FLOT1: variants seen among roughly 807,000 people sequenced by gnomAD.
FLOT1 encodes the protein flotillin-1.
In FLOT1, 40 loss-of-function variants were observed where a neutral mutation model predicts 58.4. The ratio of observed to expected loss-of-function variants is 0.69; its 90% confidence interval spans 0.53 to 0.89. FLOT1 has a LOEUF of 0.89. FLOT1 is among the 40% of genes least tolerant of loss of function. FLOT1 has a pLI of 0.00. For synonymous variants in FLOT1, 178 were observed against 204.2 expected (o/e 0.87, Z 1.09); for missense variants, 423 against 540.8 (o/e 0.78, Z 2.16).
In FLOT1 at chr6:30,740,272, G is replaced by T; in HGVS notation, c.609C>A (p.Tyr203Ter). The change falls in exon 8 of 13, where the codon TAC (tyrosine) becomes TAA (stop). Residue 203 changes from tyrosine (Y) to a stop codon, truncating the protein, a stop_gained. Transcript: ENST00000376389. LOFTEE classifies it high-confidence loss of function. Reference sequence around the variant, plus strand: ...CCTTGGCCATCTCGATCTCACTCAGGTACTGAGCAGACACCTTTTCCTGCT... The same window carrying T: ...CCTTGGCCATCTCGATCTCACTCAGTTACTGAGCAGACACCTTTTCCTGCT... ...KAKQEKVSAQ[Y>*]LSEIEMAKAQ... The T allele has an allele frequency of 6.2e-7, 1 of 1,612,992 alleles. No individual in the cohort carries two copies. The highest frequency in any genetic ancestry group is 8.5e-7 in the Non-Finnish European group (1 of 1,180,008).
chr6:30,732,665 T>C (rs1475240541), intron 8 of FLOT1, among the ~76,000 whole-genome samples: 2 of 152,150 alleles, frequency 1.3e-5, no homozygotes, highest in African/African-American at 2.4e-5. Context: ...ACACATGCCT[T>C]CGTTGTCCCA....
intron 12 of FLOT1, among the ~76,000 whole-genome samples, chr6:30,728,533 G>A (rs982323336): frequency 2.7e-5 from 4 of 150,334 alleles, no homozygotes; most frequent in Non-Finnish European, 5.9e-5. Flanking sequence ...GCAGTGGTGC[G>A]ATCTTGGCTT....
At position 30,730,458 on chromosome 6, in the gene FLOT1, C is replaced by T; in HGVS notation, c.1059G>A (p.Gln353=). 6.3e-7 allele frequency: 1 copy of T among 1,592,876 alleles called. No individual in the cohort carries two copies. The highest frequency in any genetic ancestry group is 1.3e-5 in the African/African-American group (1 of 74,388). The change falls in exon 11 of 13, where the codon CAG becomes CAA. Residue 353 remains glutamine (Q), a synonymous_variant. Transcript: ENST00000376389. ...EAFQLYQEAA[Q]LDMLLEKLPQ... is the part of the protein sequence containing the mutation. ...GCAGCTTCTCTAGCAGCATGTCCAG[C>T]TGAGCAGCCTCTTGGTACAGCTGGA... is the stretch of plus-strand genomic sequence containing the variant.
In FLOT1 at chr6:30,731,016, G is replaced by A; in HGVS notation, c.808C>T (p.Gln270Ter). 1 of 1,613,262 alleles carries A rather than the reference G, an allele frequency of 6.2e-7. No individual in the cohort carries two copies. Among genetic ancestry groups the A allele is most frequent in the Non-Finnish European group, 8.5e-7 (1 of 1,180,014 alleles). The part of the protein sequence containing the change: ...ERAQQVAVQE[Q>*]EIARREKELE... ...TCCTTCTCCCGCCGGGCGATCTCCT[G>A]CTCCTGCACTGCCACCTGCTGGGCC... Residue 270 changes from glutamine to a stop codon, truncating the protein, a stop_gained, in exon 9 of 13, where the codon CAG (glutamine) becomes TAG (stop). Coordinates refer to ENST00000376389, the MANE Select transcript of FLOT1 (RefSeq NM_005803.4). LOFTEE classifies it high-confidence loss of function.
intron 12 of FLOT1, 122 bp from the exon 13 acceptor site, chr6:30,728,267 C>T: frequency 1.2e-6 from 1 of 802,766 alleles, no homozygotes; most frequent in East Asian, 2.5e-5. Context: ...AGGGTTCTTT[C>T]TGGTGCCCTA....
Position 30,741,353 on chromosome 6 carries a change from A to AG in FLOT1, c.211-21dup. 6.2e-7 allele frequency: 1 copy of AG among 1,613,012 alleles called. No individual in the cohort carries two copies. Among genetic ancestry groups the AG allele is most frequent in the Non-Finnish European group, 8.5e-7 (1 of 1,179,980 alleles). On this transcript the variant is annotated intron_variant, in intron 4 of 12. Transcript: ENST00000376389. This position sits in a 1 kb window ranked among gnomAD's most constrained non-coding sequence, Gnocchi z 5.9. ...TTTTACCTGTAGCCAGAGTAGGGGT[A>AG]GGAAAGGTGTGGTGGGGGTCTCATG...
At position 30,730,517 on chromosome 6, in the gene FLOT1, C is replaced by CGGCTCG. The variant is rs770109618; in HGVS notation, c.994_999dup (p.Arg332_Ala333dup). The CGGCTCG allele has an allele frequency of 3.1e-6, 5 of 1,610,906 alleles. No individual in the cohort carries two copies. The highest frequency in any genetic ancestry group is 2.2e-5 in the East Asian group (1 of 44,806). On this transcript the variant is annotated inframe_insertion, in exon 11 of 13. Coordinates refer to ENST00000376389, the MANE Select transcript of FLOT1 (RefSeq NM_005803.4). ...GCCTTCTTGGCCATCTGCTCAGCCT[C>CGGCTCG]GGCTCGGGCTCGGGCCCCTATGGCA...
chr6:30,729,605 G>A (rs1263504678), intron 12 of FLOT1, among the ~76,000 whole-genome samples: 1 of 152,190 alleles, frequency 6.6e-6, no homozygotes, highest in East Asian at 1.9e-4. Context: ...GAGCCTGTTT[G>A]CTGACTTCTA....
Position 30,742,047 on chromosome 6 carries a change from G to A in FLOT1, c.43+100C>T. On this transcript the variant is annotated intron_variant, in intron 2 of 12. Coordinates refer to ENST00000376389, the MANE Select transcript of FLOT1 (RefSeq NM_005803.4). This position sits in a 1 kb window ranked among gnomAD's most constrained non-coding sequence, Gnocchi z 5.2. ...AGTTCGTGGCCATCAAGGGGCAGAA[G>A]TCTGGTGCTGGGAAGTTGGTAGGGA... 7.4e-7 allele frequency: 1 copy of A among 1,344,120 alleles called. No individual in the cohort carries two copies. Among genetic ancestry groups the A allele is most frequent in the Non-Finnish European group, 1.1e-6 (1 of 943,568 alleles). 83.3% of individuals were successfully genotyped at this position (1,344,120 alleles called of 1,614,324 possible).
chr6:30,739,033 C>T lies in FLOT1; in HGVS notation c.723+1125G>A, dbSNP rs143164765. Among the ~76,000 whole-genome samples the T allele has an allele frequency of 9.9e-4, 151 of 152,246 alleles. No homozygotes were observed. The East Asian group carries it at 0.028, about 28-fold the overall frequency. On this transcript the variant is annotated intron_variant, in intron 8 of 12. Coordinates refer to ENST00000376389, the MANE Select transcript of FLOT1 (RefSeq NM_005803.4). ...TAGTGAATAGGCAAATTCTCAGATACGAATAATGAAGAATGAAGATCAACT... is the reference window on the plus strand; with the variant it reads ...TAGTGAATAGGCAAATTCTCAGATATGAATAATGAAGAATGAAGATCAACT...
intron 8 of FLOT1, among the ~76,000 whole-genome samples, chr6:30,731,628 A>G (rs1349597787): frequency 6.6e-6 from 1 of 152,098 alleles, no homozygotes; most frequent in Admixed American, 6.6e-5. Flanking sequence ...TCTAGAGTAT[A>G]AATACCTTGA....
Position 30,741,771 on chromosome 6 carries a change from C to T in FLOT1, c.119+21G>A. The T allele has an allele frequency of 1.9e-6, 3 of 1,612,348 alleles. No homozygotes were observed. The highest frequency in any genetic ancestry group is 2.5e-6 in the Non-Finnish European group (3 of 1,179,390). ...AAAGAGAAAACGGAGGTCCCCCTTC[C>T]CTGGTTCCCTTCTTGCCTACCTCTG... is the stretch of plus-strand genomic sequence containing the variant. On this transcript the variant is annotated intron_variant, in intron 3 of 12. Coordinates refer to ENST00000376389, the MANE Select transcript of FLOT1 (RefSeq NM_005803.4). This position sits in a 1 kb window ranked among gnomAD's most constrained non-coding sequence, Gnocchi z 5.9.
rs1385181229 is a variant in FLOT1, at chr6:30,733,754, AAG to A, written c.724-2656_724-2655del. ...AAAATCCATCTCAAAAAAAAAAAAA[AAG>A]AAAAGAAAGCTGGGCTTGATGCAGT... On this transcript the variant is annotated intron_variant, in intron 8 of 12. Coordinates refer to ENST00000376389, the MANE Select transcript of FLOT1 (RefSeq NM_005803.4). Among the ~76,000 whole-genome samples, 9 of 128,262 alleles carry A rather than the reference AAG, an allele frequency of 7.0e-5. 3 individuals are homozygous for A. Among genetic ancestry groups the A allele is most frequent in the South Asian group, 5.5e-4 (2 of 3,668 alleles). The allele number at this position is 128,262 out of a possible 152,430, so 84.1% of individuals were successfully genotyped here.
intron 8 of FLOT1, among the ~76,000 whole-genome samples, chr6:30,736,844 C>T (rs142087796): frequency 0.074 from 11,207 of 151,912 alleles, 658 homozygotes; most frequent in African/African-American, 0.16. Flanking sequence ...CTGCCCACCT[C>T]GGCCTCCCAA....
rs1778026446 is a variant in FLOT1, at chr6:30,741,986, A to G, written c.44-119T>C. 8.4e-7 allele frequency: 1 copy of G among 1,183,968 alleles called. No homozygotes were observed. The highest frequency in any genetic ancestry group is 2.3e-5 in the East Asian group (1 of 42,786). 73.3% of individuals were successfully genotyped at this position (1,183,968 alleles called of 1,614,324 possible). ...AGAATCTGGGAGCTGGAGGGGAAGC[A>G]GTCTGGGCCTTGGAATGGTGGGAAT... is the stretch of plus-strand genomic sequence containing the variant. On this transcript the variant is annotated intron_variant, in intron 2 of 12. Coordinates refer to ENST00000376389, the MANE Select transcript of FLOT1 (RefSeq NM_005803.4). This position sits in a 1 kb window ranked among gnomAD's most constrained non-coding sequence, Gnocchi z 5.9.
Position 30,741,158 on chromosome 6 carries a change from C to A in FLOT1, c.354+32G>T. ...CCTTGGGCCCCCCTCATTTTGACATCCTTCCAGATGGTTCCCTGCCCCTAG... is the reference window on the plus strand; with the variant it reads ...CCTTGGGCCCCCCTCATTTTGACATACTTCCAGATGGTTCCCTGCCCCTAG... On this transcript the variant is annotated intron_variant, in intron 5 of 12. Coordinates refer to ENST00000376389, the MANE Select transcript of FLOT1 (RefSeq NM_005803.4). This position sits in a 1 kb window ranked among gnomAD's most constrained non-coding sequence, Gnocchi z 5.9. The A allele has an allele frequency of 6.2e-7, 1 of 1,610,794 alleles. No homozygotes were observed. Among genetic ancestry groups the A allele is most frequent in the Non-Finnish European group, 8.5e-7 (1 of 1,179,050 alleles).
At chr6:30,734,910 C>T (rs1777458431) in intron 8 of FLOT1, among the ~76,000 whole-genome samples, 1 of 152,134 alleles carries the variant, frequency 6.6e-6, no homozygotes, top group Admixed American at 6.6e-5. Context: ...CGGGGTTTCA[C>T]CATGTTGGCC....
At chr6:30,739,112 G>A (rs1349865238) in intron 8 of FLOT1, among the ~76,000 whole-genome samples, 3 of 152,210 alleles carry the variant, frequency 2.0e-5, no homozygotes, top group Non-Finnish European at 1.5e-5. Context: ...AGGATTCAAT[G>A]TCCAAGTCCA....
Position 30,730,988 on chromosome 6 carries a change from A to T in FLOT1, c.836T>A (p.Leu279Gln). Residue 279 changes from leucine to glutamine, a missense_variant, in exon 9 of 13, where the codon CTG (leucine) becomes CAG (glutamine). Coordinates refer to ENST00000376389, the MANE Select transcript of FLOT1 (RefSeq NM_005803.4). ...EQEIARREKE[L>Q]EARVRKPAEA... ...CGCTGGCTTCCGCACCCGGGCCTCC[A>T]GCTCCTTCTCCCGCCGGGCGATCTC... The T allele has an allele frequency of 1.9e-6, 3 of 1,613,888 alleles. No individual in the cohort carries two copies. The highest frequency in any genetic ancestry group is 2.5e-6 in the Non-Finnish European group (3 of 1,179,974).
Sources: gnomAD v4.1 joint callset for allele counts (sites outside exome capture counted in the v4.1 genomes callset) on GRCh38, gnomAD v4.1.1 for gene constraint, Gnocchi (gnomAD v3.1) non-coding constraint, MANE v1.5 for transcripts, NCBI Gene and HGNC (gene_info 2026-07-23, HGNC 2026-07-21) for gene names.